JAK2: variants seen among roughly 807,000 people sequenced by gnomAD.
JAK2 encodes the protein Janus kinase 2.
JAK2 carries 86 observed loss-of-function variants against 139.3 expected under a neutral mutation model. The observed-to-expected ratio is 0.62, with a 90% CI of 0.52 to 0.74. The LOEUF is 0.74. JAK2 is among the 30% of genes least tolerant of loss of function. JAK2 has a pLI of 0.00. For synonymous variants in JAK2, 490 were observed against 437.7 expected, an observed-to-expected ratio of 1.12 and a Z score of -1.49; for missense variants, 1,421 against 1,360.3, an observed-to-expected ratio of 1.04 and a Z score of -0.70.
At chr9:5,119,569 GAT>G (rs1295105039) in intron 22 of JAK2, among the ~76,000 whole-genome samples, 10 of 152,032 alleles carry the variant, frequency 6.6e-5, no homozygotes, top group African/African-American at 1.7e-4. Flanking sequence ...ATGAAAATAA[GAT>G]AATTTCTCAT....
At chr9:5,085,879 T>C in intron 19 of JAK2, 1 of 797,452 alleles carries the variant, frequency 1.3e-6, no homozygotes, top group Non-Finnish European at 2.3e-6. Context: ...AGTTCTGTTG[T>C]TGATATGAGC....
intron 4 of JAK2, chr9:5,041,042 G>A (rs1443446735): frequency 4.4e-6 from 3 of 680,468 alleles, no homozygotes; most frequent in Non-Finnish European, 8.0e-6. Context: ...TCTACAAGCA[G>A]CTCAGCGCCA....
intron 5 of JAK2, among the ~76,000 whole-genome samples, chr9:5,045,551 C>A (rs557460712): frequency 2.0e-5 from 3 of 152,160 alleles, no homozygotes; most frequent in Non-Finnish European, 4.4e-5. Flanking sequence ...AAACTTCATA[C>A]CCATTAAATA....
intron 16 of JAK2, among the ~76,000 whole-genome samples, chr9:5,078,766 C>A (rs1586749923): frequency 6.6e-6 from 1 of 151,990 alleles, no homozygotes; most frequent in Non-Finnish European, 1.5e-5. Flanking sequence ...TCTAAATATT[C>A]TTTTCTTCTC....
chr9:5,075,603 C>G (rs10283563), intron 14 of JAK2, among the ~76,000 whole-genome samples: 1 of 151,920 alleles, frequency 6.6e-6, no homozygotes, highest in Non-Finnish European at 1.5e-5. Context: ...ATTGTTGAGA[C>G]CTGCTCAGAA....
At chr9:5,113,222 A>G (rs1239135071) in intron 22 of JAK2, among the ~76,000 whole-genome samples, 3 of 118,896 alleles carry the variant, frequency 2.5e-5, no homozygotes, top group Non-Finnish European at 5.1e-5. Context: ...TTTTTTTTCC[A>G]GTAAACAAAA....
chr9:5,123,776 TAAG>T (rs1823789781), intron 23 of JAK2, among the ~76,000 whole-genome samples: 1 of 151,944 alleles, frequency 6.6e-6, no homozygotes, highest in Non-Finnish European at 1.5e-5. Context: ...CAACAGTGTA[TAAG>T]AGTTCCCTTT....
At chr9:5,059,974 G>C (rs554457641) in intron 8 of JAK2, among the ~76,000 whole-genome samples, 38 of 152,146 alleles carry the variant, frequency 2.5e-4, no homozygotes, top group African/African-American at 8.7e-4. Flanking sequence ...ATAGACATAC[G>C]TCAGAGATAT....
At position 5,127,558 on chromosome 9, in the gene JAK2, G is replaced by A. The variant is rs1267625382; in HGVS notation, c.*767G>A. On this transcript the variant is annotated 3_prime_UTR_variant, in exon 25 of 25. Coordinates refer to ENST00000381652, the MANE Select transcript of JAK2 (RefSeq NM_004972.4). ...CCTTGTATCTATTTGTGGTGAATGT[G>A]TTTTTTAAATGGAACTATCTCCAAA... 4.3e-6 allele frequency: 1 copy of A among 231,094 alleles called. No homozygotes were observed. Among genetic ancestry groups the A allele is most frequent in the African/African-American group, 2.2e-5 (1 of 45,180 alleles). The allele number at this position is 231,094 out of a possible 1,614,324, so 14.3% of individuals were successfully genotyped here. A position where few individuals can be genotyped will look rare whatever the true frequency, so the allele number is the denominator to read the frequency against.
chr9:5,113,865 C>A, intron 22 of JAK2: 1 of 209,582 alleles, frequency 4.8e-6, no homozygotes, highest in South Asian at 7.5e-5. Context: ...CCAGGGACTT[C>A]ACCCTCCCCA....
intron 5 of JAK2, among the ~76,000 whole-genome samples, chr9:5,050,288 CATTT>C (rs1455873565): frequency 2.6e-5 from 4 of 152,006 alleles, no homozygotes; most frequent in African/African-American, 7.3e-5. Context: ...GAATTTATGC[CATTT>C]ATTTATTTAT....
chr9:5,089,719 G>A lies in JAK2; in HGVS notation c.2617G>A (p.Asp873Asn). The stretch of plus-strand genomic sequence containing the variant: ...GATGTGCCGGTATGACCCTCTACAG[G>A]ACAACACTGGGGAGGTGGTCGCTGT... ...VEMCRYDPLQ[D>N]NTGEVVAVKK... Residue 873 changes from aspartate (D) to asparagine (N), a missense_variant, in exon 20 of 25, where the codon GAC becomes AAC. Coordinates refer to ENST00000381652, the MANE Select transcript of JAK2 (RefSeq NM_004972.4). 1 of 1,564,918 alleles carries A rather than the reference G, an allele frequency of 6.4e-7. No homozygotes were observed. The highest frequency in any genetic ancestry group is 8.7e-7 in the Non-Finnish European group (1 of 1,155,658).
chr9:5,085,103 C>T, intron 19 of JAK2: 1 of 656,748 alleles, frequency 1.5e-6, no homozygotes, highest in Admixed American at 1.8e-5. Flanking sequence ...TACTGCTGGG[C>T]AAGGTAGGTT....
At chr9:5,018,542 T>C (rs1822215140) in intron 2 of JAK2, among the ~76,000 whole-genome samples, 1 of 152,164 alleles carries the variant, frequency 6.6e-6, no homozygotes, top group African/African-American at 2.4e-5. Flanking sequence ...TTTTGCCATG[T>C]TGTCCAGGCT....
rs200677169 is a variant in JAK2 at position 5,013,858 on chromosome 9, TTTAA to T, written c.-25-8100_-25-8097del. Among the ~76,000 whole-genome samples, 1,252 of 152,274 alleles carry T rather than the reference TTTAA, an allele frequency of 8.2e-3. 26 individuals carry two copies. Among genetic ancestry groups the T allele is most frequent in the African/African-American group, 0.029 (1,204 of 41,568 alleles). On this transcript the variant is annotated intron_variant, in intron 2 of 24. Coordinates refer to ENST00000381652, the MANE Select transcript of JAK2 (RefSeq NM_004972.4). ...TAAGAATTGGGAGGAACAGCGGAAATTTAATTAAGTAATTTTATTATACAAGTGA... is the reference window on the plus strand; with the variant it reads ...TAAGAATTGGGAGGAACAGCGGAAATTTAAGTAATTTTATTATACAAGTGA...
intron 22 of JAK2, chr9:5,107,841 G>A (rs1186850480): frequency 6.6e-6 from 1 of 152,056 alleles, no homozygotes; most frequent in Non-Finnish European, 1.5e-5. Flanking sequence ...TTTGCTGCCT[G>A]TGAAGCCGCA....
intron 8 of JAK2, among the ~76,000 whole-genome samples, chr9:5,057,108 A>T (rs1264089600): frequency 2.0e-5 from 3 of 152,120 alleles, no homozygotes; most frequent in African/African-American, 7.2e-5. Flanking sequence ...CTCCTTGTAT[A>T]CAAGTATTAT....
chr9:5,031,172 C>G (rs924304646), intron 4 of JAK2, among the ~76,000 whole-genome samples: 7 of 152,116 alleles, frequency 4.6e-5, no homozygotes, highest in African/African-American at 1.7e-4. Context: ...CTAAGCCAAT[C>G]AAAATCCTAA....
chr9:5,041,245 C>A (rs1586686761), intron 4 of JAK2: 14 of 1,458,178 alleles, frequency 9.6e-6, no homozygotes, highest in Non-Finnish European at 1.1e-5. Context: ...AGCGGCAGCA[C>A]GCCATCCACA....
Sources: gnomAD v4.1 joint callset for allele counts (sites outside exome capture counted in the v4.1 genomes callset) on GRCh38, gnomAD v4.1.1 for gene constraint, MANE v1.5 for transcripts, NCBI Gene and HGNC (gene_info 2026-07-23, HGNC 2026-07-21) for gene names.